Variants in ABLIM1 observed in about 807,000 individuals in gnomAD.
The protein encoded by ABLIM1 is actin-binding LIM protein 1.
Under a neutral mutation model 107.0 loss-of-function variants are expected in ABLIM1, and 40 were observed. The observed-to-expected ratio is 0.37, with a 90% confidence interval of 0.29 to 0.49. ABLIM1 has a LOEUF of 0.49. Ranked by LOEUF, ABLIM1 falls within the 20% of genes least tolerant of loss-of-function variation. The pLI, the probability that ABLIM1 is intolerant of heterozygous loss-of-function variation, is 0.97. For synonymous variants in ABLIM1, 357 were observed against 357.3 expected (o/e 1.00, Z 0.01); for missense variants, 857 against 1,008.5 (o/e 0.85, Z 2.04).
At chr10:114,688,541 G>A (rs1441081615), upstream of ABLIM1, among the ~76,000 whole-genome samples, 1 of 152,102 alleles carries the variant, frequency 6.6e-6, no homozygotes, top group Non-Finnish European at 1.5e-5. Context: ...CACATTGACC[G>A]AGGGCTCACT....
intron 1 of ABLIM1, among the ~76,000 whole-genome samples, chr10:114,640,555 C>CA (rs1196286789): frequency 2.4e-4 from 36 of 151,838 alleles, no homozygotes; most frequent in African/African-American, 8.7e-4. Context: ...ACAACAACAA[C>CA]AACAACAACA....
chr10:114,680,540 G>A (rs1365439591), intron 1 of ABLIM1, among the ~76,000 whole-genome samples: 1 of 152,204 alleles, frequency 6.6e-6, no homozygotes, highest in Non-Finnish European at 1.5e-5. Flanking sequence ...TGTGGCTCTG[G>A]CAGTGTGGAA....
intron 6 of ABLIM1, among the ~76,000 whole-genome samples, chr10:114,535,215 T>G (rs1482089672): frequency 6.6e-6 from 1 of 152,118 alleles, no homozygotes; most frequent in Non-Finnish European, 1.5e-5. Context: ...TAAGCTACAC[T>G]CTACAATCAA....
At chr10:114,781,979 C>A in the ABLIM1 span, among the ~76,000 whole-genome samples, 87,453 of 151,540 alleles carry the variant, frequency 0.58, 25,714 homozygotes, top group Non-Finnish European at 0.64. Context: ...CAATTCCTAC[C>A]AGCAAGATTC....
At chr10:114,577,024 C>G (rs541528734) in intron 2 of ABLIM1, among the ~76,000 whole-genome samples, 1 of 152,172 alleles carries the variant, frequency 6.6e-6, no homozygotes, top group Non-Finnish European at 1.5e-5. Flanking sequence ...GGGGAACCCA[C>G]GTGTGGATTG....
the ABLIM1 span, among the ~76,000 whole-genome samples, chr10:114,792,845 A>C: frequency 6.6e-6 from 1 of 152,182 alleles, no homozygotes; most frequent in Non-Finnish European, 1.5e-5. Flanking sequence ...TCACCACCCA[A>C]ATCTCATGTT....
the ABLIM1 span, among the ~76,000 whole-genome samples, chr10:114,792,812 A>G: frequency 6.6e-6 from 1 of 152,146 alleles, no homozygotes; most frequent in South Asian, 2.1e-4. Context: ...CTATGTGGAG[A>G]TCTGATATAA....
At chr10:114,578,476 G>A (rs183754432) in intron 2 of ABLIM1, among the ~76,000 whole-genome samples, 34 of 148,122 alleles carry the variant, frequency 2.3e-4, no homozygotes, top group African/African-American at 7.3e-4. Flanking sequence ...GCATGAATTC[G>A]GCTCACTACA....
intron 5 of ABLIM1, among the ~76,000 whole-genome samples, chr10:114,545,974 C>G (rs1223106411): frequency 6.6e-6 from 1 of 150,650 alleles, no homozygotes; most frequent in African/African-American, 2.4e-5. Flanking sequence ...CTGAGCCCGT[C>G]AGATGTGGGC....
chr10:114,538,092 A>C (rs889204174), intron 6 of ABLIM1, among the ~76,000 whole-genome samples: 1 of 152,242 alleles, frequency 6.6e-6, no homozygotes. Flanking sequence ...AACATACTTA[A>C]AATACCTATG....
chr10:114,770,867 T>A (rs1194443021), upstream of ABLIM1, among the ~76,000 whole-genome samples: 1 of 152,228 alleles, frequency 6.6e-6, no homozygotes, highest in Non-Finnish European at 1.5e-5. Context: ...AGTCTCGCTC[T>A]ATCACCCAGG....
intron 6 of ABLIM1, among the ~76,000 whole-genome samples, chr10:114,513,164 T>C (rs2062192012): frequency 6.6e-6 from 1 of 152,178 alleles, no homozygotes; most frequent in South Asian, 2.1e-4. Context: ...TTCTGTGTAA[T>C]TTTTCAGGTA....
At chr10:114,744,058 G>A (rs2082336642) in intron 1 of ABLIM1, among the ~76,000 whole-genome samples, 1 of 152,170 alleles carries the variant, frequency 6.6e-6, no homozygotes, top group Non-Finnish European at 1.5e-5. Flanking sequence ...ATGAGATGTG[G>A]CGTGGGCGTA....
At chr10:114,442,114 T>G (rs958681478) in intron 17 of ABLIM1, among the ~76,000 whole-genome samples, 3 of 152,212 alleles carry the variant, frequency 2.0e-5, no homozygotes, top group African/African-American at 7.2e-5. Context: ...CTATGATTAT[T>G]AGTTCCATAT....
At chr10:114,699,157 T>C (rs545751420) in intron 1 of ABLIM1, among the ~76,000 whole-genome samples, 1 of 149,024 alleles carries the variant, frequency 6.7e-6, no homozygotes, top group Non-Finnish European at 1.5e-5. Context: ...ATTAAAAATC[T>C]GTATAAAAAA....
intron 12 of ABLIM1, 118 bp downstream of exon 12, chr10:114,465,580 T>A: frequency 7.5e-7 from 1 of 1,341,306 alleles, no homozygotes; most frequent in Non-Finnish European, 1.0e-6. Context: ...CATTTTGCTC[T>A]GGGAGAGGGA....
chr10:114,632,331 T>C (rs928029466), intron 1 of ABLIM1: 1 of 985,334 alleles, frequency 1.0e-6, no homozygotes, highest in Non-Finnish European at 1.2e-6. Flanking sequence ...CACAGTCTGA[T>C]AAATGATTGC....
chr10:114,759,551 C>A (rs1280423394), intron 1 of ABLIM1, among the ~76,000 whole-genome samples: 4 of 152,122 alleles, frequency 2.6e-5, no homozygotes, highest in Non-Finnish European at 5.9e-5. Context: ...TTATGCTAAA[C>A]GCTGTTAGTC....
At chr10:114,460,250 C>G (rs1482339547) in intron 12 of ABLIM1, among the ~76,000 whole-genome samples, 1 of 152,154 alleles carries the variant, frequency 6.6e-6, no homozygotes, top group Admixed American at 6.5e-5. Flanking sequence ...TACTTGGTCT[C>G]CTCACTGAGC....
Sources: allele counts gnomAD v4.1 joint callset (sites outside exome capture counted in the v4.1 genomes callset), GRCh38; gene constraint gnomAD v4.1.1; transcripts MANE v1.5; gene names NCBI Gene and HGNC (gene_info 2026-07-23, HGNC 2026-07-21).